Variants in TMX3 observed in about 807,000 individuals in gnomAD.
The protein encoded by TMX3 is thioredoxin related transmembrane protein 3.
A neutral mutation model predicts 64.4 loss-of-function variants in TMX3; 40 were observed. That is an observed-to-expected ratio of 0.62 (90% confidence interval 0.48 to 0.81). The LOEUF (loss-of-function observed/expected upper bound fraction) is 0.81. TMX3 is among the 30% of genes least tolerant of loss of function. The probability of loss-of-function intolerance (pLI) is 0.00; values close to 1 mark genes in which losing one functional copy is unlikely to be tolerated. For missense variants in TMX3, 497 were observed against 534.5 expected (o/e 0.93, Z 0.69); for synonymous variants, 189 against 175.7 (o/e 1.08, Z -0.60).
intron 9 of TMX3, chr18:68,689,951 T>C (rs1914351253): frequency 6.6e-6 from 1 of 152,214 alleles, no homozygotes; most frequent in South Asian, 2.1e-4. Flanking sequence ...ATAGTACCTT[T>C]TATATGACAG....
At chr18:68,690,798 T>G (rs1022690386) in intron 9 of TMX3, among the ~76,000 whole-genome samples, 25 of 152,156 alleles carry the variant, frequency 1.6e-4, no homozygotes, top group African/African-American at 6.0e-4. Context: ...GATGTATGTT[T>G]GATATTACAA....
intron 9 of TMX3, among the ~76,000 whole-genome samples, chr18:68,689,396 T>G (rs1445506395): frequency 1.3e-5 from 2 of 151,724 alleles, no homozygotes; most frequent in Admixed American, 6.6e-5. Flanking sequence ...GATCAGTGTT[T>G]TTTTTTTTTT....
At chr18:68,709,542 T>C (rs1034757014) in intron 4 of TMX3, among the ~76,000 whole-genome samples, 6 of 152,148 alleles carry the variant, frequency 3.9e-5, no homozygotes, top group African/African-American at 1.2e-4. Context: ...TTCATTCTAT[T>C]CTCTAGTACA....
At chr18:68,691,883 CTTACT>C (rs1914555890) in intron 8 of TMX3, among the ~76,000 whole-genome samples, 1 of 152,088 alleles carries the variant, frequency 6.6e-6, no homozygotes, top group Non-Finnish European at 1.5e-5. Context: ...CTGAGCTGTA[CTTACT>C]TTGAGAGAAA....
intron 10 of TMX3, among the ~76,000 whole-genome samples, chr18:68,686,423 C>G (rs1253162288): frequency 6.6e-6 from 1 of 152,106 alleles, no homozygotes; most frequent in Non-Finnish European, 1.5e-5. Flanking sequence ...CTGAAAGAAT[C>G]AAAAAGTCTG....
In TMX3 at chr18:68,701,584, A is replaced by G. The variant is rs752932402; in HGVS notation, c.311+161T>C. On this transcript the variant is annotated intron_variant, in intron 5 of 15. Coordinates refer to ENST00000299608, the MANE Select transcript of TMX3 (RefSeq NM_019022.5). ...ATTGCTTAAATACGAAGAAAAGCAT[A>G]AAGAAGCAGTCCCTCTCCTTTAATT... The G allele has an allele frequency of 5.4e-6, 8 of 1,492,440 alleles. No homozygotes were observed. The South Asian group carries it at 9.9e-5, about 18-fold the overall frequency. The allele number at this position is 1,492,440 out of a possible 1,614,324, so 92.4% of individuals were successfully genotyped here. A position where few individuals can be genotyped will look rare whatever the true frequency, so the allele number is the denominator to read the frequency against.
chr18:68,698,168 A>G, intron 6 of TMX3, 137 bp from the exon 7 acceptor site: 1 of 616,556 alleles, frequency 1.6e-6, no homozygotes, highest in South Asian at 2.1e-5. Context: ...ATATCACAAA[A>G]TCCACATGAA....
intron 10 of TMX3, among the ~76,000 whole-genome samples, chr18:68,686,370 ACTACTATATTC>A (rs1298942450): frequency 6.6e-6 from 1 of 152,180 alleles, no homozygotes; most frequent in African/African-American, 2.4e-5. Flanking sequence ...ACAAAGCAAG[ACTACTATATTC>A]CTACATTTCC....
At position 68,676,004 on chromosome 18, in the gene TMX3, C is replaced by T. The variant is rs924491246; in HGVS notation, c.*929G>A. On this transcript the variant is annotated 3_prime_UTR_variant, in exon 16 of 16. Coordinates refer to ENST00000299608, the MANE Select transcript of TMX3 (RefSeq NM_019022.5). ...GTGTGTGTCTGTGGGTGCATACGTA[C>T]GTATTCTAGAGTAGAAGTTACCATA... The T allele has an allele frequency of 6.6e-6, 1 of 152,010 alleles. No individual in the cohort carries two copies. The highest frequency in any genetic ancestry group is 6.6e-5 in the Admixed American group (1 of 15,244). The allele number at this position is 152,010 out of a possible 1,614,324, so 9.4% of individuals were successfully genotyped here. A position where few individuals can be genotyped will look rare whatever the true frequency, so the allele number is the denominator to read the frequency against.
intron 4 of TMX3, among the ~76,000 whole-genome samples, chr18:68,706,960 T>G (rs1464472471): frequency 6.6e-6 from 1 of 152,252 alleles, no homozygotes; most frequent in Non-Finnish European, 1.5e-5. Context: ...CACTGACATT[T>G]AACTCTAATA....
chr18:68,678,984 A>G (rs1268800529), intron 15 of TMX3, among the ~76,000 whole-genome samples: 1 of 152,148 alleles, frequency 6.6e-6, no homozygotes, highest in Non-Finnish European at 1.5e-5. Flanking sequence ...TTATTTACCA[A>G]CTAGGGAAAA....
chr18:68,677,190 T>C lies in TMX3; in HGVS notation c.1108A>G (p.Ile370Val), dbSNP rs377461143. The change falls in exon 16 of 16, where the codon ATA (isoleucine) becomes GTA (valine). Residue 370 changes from isoleucine to valine, a missense_variant. This residue lies in a region of TMX3 where 43 missense variants were observed against 75.3 expected (regional missense o/e 0.57). Coordinates refer to ENST00000299608, the MANE Select transcript of TMX3 (RefSeq NM_019022.5). ...VFDAKSTIVS[I>V]FKSSPLMGCF... ...CCCATCAGTGGTGAGCTCTTGAATATAGACTGTGGAAAGAGAATTAAAACT... is the reference window on the plus strand; with the variant it reads ...CCCATCAGTGGTGAGCTCTTGAATACAGACTGTGGAAAGAGAATTAAAACT... 2.1e-5 allele frequency: 34 copies of C among 1,611,332 alleles called. No homozygotes were observed. The highest frequency in any genetic ancestry group is 6.7e-5 in the African/African-American group (5 of 74,756).
At chr18:68,689,297 C>G (rs1914273168) in intron 9 of TMX3, among the ~76,000 whole-genome samples, 1 of 152,026 alleles carries the variant, frequency 6.6e-6, no homozygotes, top group Non-Finnish European at 1.5e-5. Context: ...ATCTGAAACA[C>G]TGAGCTATAA....
intron 10 of TMX3, among the ~76,000 whole-genome samples, chr18:68,685,225 A>T (rs1280304279): frequency 2.0e-5 from 3 of 152,184 alleles, no homozygotes; most frequent in African/African-American, 7.2e-5. Context: ...TATATATTTC[A>T]TAGAGTTATT....
In TMX3 at chr18:68,693,530, C is replaced by T. The variant is rs138075012; in HGVS notation, c.571-2169G>A. ...TCTGATTTTGAAGCAAAGTTGTGGC[C>T]GAGCCTGAGTGTTGTCGCAACTTAG... is the stretch of plus-strand genomic sequence containing the variant. On this transcript the variant is annotated intron_variant, in intron 8 of 15. Transcript: ENST00000299608. Among the ~76,000 whole-genome samples the T allele has an allele frequency of 1.3e-4, 20 of 152,130 alleles. No individual in the cohort carries two copies. In the East Asian group the frequency reaches 3.5e-3, roughly 27 times the overall value.
At chr18:68,709,308 T>C (rs1454247653) in intron 4 of TMX3, among the ~76,000 whole-genome samples, 1 of 152,144 alleles carries the variant, frequency 6.6e-6, no homozygotes, top group African/African-American at 2.4e-5. Context: ...TTTAACTTCT[T>C]CTTTTTCCCA....
chr18:68,686,694 A>G, intron 10 of TMX3: 30 of 980,050 alleles, frequency 3.1e-5, no homozygotes, highest in Non-Finnish European at 3.5e-5. Context: ...CGACAGAGAG[A>G]GACTCCATCT....
chr18:68,685,522 T>C (rs1913860110), intron 10 of TMX3, among the ~76,000 whole-genome samples: 1 of 152,224 alleles, frequency 6.6e-6, no homozygotes, highest in South Asian at 2.1e-4. Context: ...GTTCGTGAGT[T>C]TTTTTCAAAA....
chr18:68,687,427 T>C (rs1277340888), intron 10 of TMX3: 3 of 985,328 alleles, frequency 3.0e-6, no homozygotes, highest in Non-Finnish European at 3.6e-6. Flanking sequence ...CCCAGGCTTT[T>C]TGTTTTCCTT....
Sources: gnomAD v4.1 joint callset for allele counts (sites outside exome capture counted in the v4.1 genomes callset) on GRCh38, gnomAD v4.1.1 for gene constraint, gnomAD v4.1.1 regional missense constraint, MANE v1.5 for transcripts, NCBI Gene and HGNC (gene_info 2026-07-23, HGNC 2026-07-21) for gene names.